The following CDH12 variants were observed in gnomAD, a reference collection of about 807,000 sequenced individuals.
The protein encoded by CDH12 is cadherin 12.
CDH12 carries 41 observed loss-of-function variants against 74.1 expected under a neutral mutation model. That is an observed-to-expected ratio of 0.55 (90% CI 0.43 to 0.72). The LOEUF (loss-of-function observed/expected upper bound fraction) is 0.72. CDH12 is among the 30% of genes least tolerant of loss of function. The pLI, the probability that CDH12 is intolerant of heterozygous loss-of-function variation, is 0.00. For missense variants in CDH12, 945 were observed against 977.2 expected, an observed-to-expected ratio of 0.97 and a Z score of 0.44; for synonymous variants, 399 against 355.0, an observed-to-expected ratio of 1.12 and a Z score of -1.39.
At chr5:22,525,604 CAT>C (rs1297231876) in intron 1 of CDH12, among the ~76,000 whole-genome samples, 1 of 152,122 alleles carries the variant, frequency 6.6e-6, no homozygotes, top group African/African-American at 2.4e-5. Flanking sequence ...TTTTACAACA[CAT>C]GTCAATAACT....
rs145040315 is a variant in CDH12, at chr5:22,080,109, C to A, written c.-186-1247G>T. ...TCGAGCCTATAAGGTTTCTAAAGGC[C>A]GAAAACGTTGGAAGCCAGAAAATAT... is the stretch of plus-strand genomic sequence containing the variant. On this transcript the variant is annotated intron_variant, in intron 4 of 14. Coordinates refer to ENST00000382254, the MANE Select transcript of CDH12 (RefSeq NM_004061.5). 2.5e-3 allele frequency among the ~76,000 whole-genome samples: 386 copies of A among 152,060 alleles called. 5 individuals are homozygous for A. The highest frequency in any genetic ancestry group is 8.6e-3 in the African/African-American group (357 of 41,478).
chr5:21,940,972 T>A (rs1256493766), intron 6 of CDH12, among the ~76,000 whole-genome samples: 2 of 152,200 alleles, frequency 1.3e-5, no homozygotes, highest in African/African-American at 4.8e-5. Flanking sequence ...AAACCATCTT[T>A]AAATCTATGT....
intron 2 of CDH12, among the ~76,000 whole-genome samples, chr5:22,498,111 C>A (rs1444747738): frequency 2.6e-5 from 4 of 152,062 alleles, no homozygotes; most frequent in African/African-American, 9.7e-5. Context: ...CATATCTATT[C>A]CAAGTCATTT....
At chr5:22,172,477 T>C (rs1340723117) in intron 4 of CDH12, 2 of 151,894 alleles carry the variant, frequency 1.3e-5, no homozygotes, top group Non-Finnish European at 2.9e-5. Flanking sequence ...AGTTCCCTTG[T>C]ATCTCATTGG....
intron 1 of CDH12, among the ~76,000 whole-genome samples, chr5:22,644,634 G>T (rs1212653198): frequency 6.6e-6 from 1 of 151,950 alleles, no homozygotes; most frequent in African/African-American, 2.4e-5. Context: ...TATAGAAGCT[G>T]CAGTATGTTA....
In CDH12 at chr5:22,221,599, C is replaced by T. The variant is rs533564166; in HGVS notation, c.-332-8956G>A. On this transcript the variant is annotated intron_variant, in intron 3 of 14. Transcript: ENST00000382254. ...ATGAACTTGGGCTGCTTTCATGCTCCCGCTAGTAATATAAAATGTTGATAT... is the reference window on the plus strand; with the variant it reads ...ATGAACTTGGGCTGCTTTCATGCTCTCGCTAGTAATATAAAATGTTGATAT... 2.0e-5 allele frequency among the ~76,000 whole-genome samples: 3 copies of T among 151,830 alleles called. No homozygotes were observed. The South Asian group carries it at 6.2e-4, about 31-fold the overall frequency.
intron 6 of CDH12, chr5:21,883,058 A>G (rs1752441039): frequency 6.2e-7 from 1 of 1,610,574 alleles, no homozygotes; most frequent in South Asian, 1.1e-5. Flanking sequence ...CTGAACTTAA[A>G]AAGCAGTCTA....
Position 22,078,197 on chromosome 5 carries a change from C to A in CDH12, c.231+249G>T, listed in dbSNP as rs532325215. Among the ~76,000 whole-genome samples, 3 of 151,992 alleles carry A rather than the reference C, an allele frequency of 2.0e-5. No individual in the cohort carries two copies. The East Asian group carries it at 5.8e-4, about 29-fold the overall frequency. ...ACTTCATGTCTTCAGCAAAGAATGTCAAAAATTGAACGAAATATATACTAT... is the reference window on the plus strand; with the variant it reads ...ACTTCATGTCTTCAGCAAAGAATGTAAAAAATTGAACGAAATATATACTAT... On this transcript the variant is annotated intron_variant, in intron 5 of 14. Coordinates refer to ENST00000382254, the MANE Select transcript of CDH12 (RefSeq NM_004061.5).
At chr5:22,324,452 C>A (rs1260817422) in intron 3 of CDH12, among the ~76,000 whole-genome samples, 1 of 151,820 alleles carries the variant, frequency 6.6e-6, no homozygotes, top group Non-Finnish European at 1.5e-5. Flanking sequence ...AGTTAGATTG[C>A]AACATATAGA....
At chr5:21,820,935 G>T (rs762883988) in intron 8 of CDH12, among the ~76,000 whole-genome samples, 8 of 151,894 alleles carry the variant, frequency 5.3e-5, no homozygotes, top group Non-Finnish European at 8.8e-5. Flanking sequence ...ACAAGAGATT[G>T]TCCACAGTCA....
chr5:21,876,666 C>T (rs1751954609), intron 6 of CDH12, among the ~76,000 whole-genome samples: 1 of 152,172 alleles, frequency 6.6e-6, no homozygotes, highest in Admixed American at 6.5e-5. Flanking sequence ...CCAAATGTTG[C>T]TTGTCTTAAC....
chr5:22,609,719 T>C (rs1737298524), intron 1 of CDH12, among the ~76,000 whole-genome samples: 2 of 152,194 alleles, frequency 1.3e-5, no homozygotes, highest in African/African-American at 2.4e-5. Flanking sequence ...AAAAAACGTA[T>C]AGCTAATTAC....
At chr5:22,675,504 AGG>A (rs1402409267) in intron 1 of CDH12, among the ~76,000 whole-genome samples, 4 of 152,200 alleles carry the variant, frequency 2.6e-5, no homozygotes, top group Non-Finnish European at 4.4e-5. Context: ...CATAGACAGA[AGG>A]GACTTGCCTT....
chr5:22,186,875 A>G (rs1372149604), intron 4 of CDH12, among the ~76,000 whole-genome samples: 1 of 152,224 alleles, frequency 6.6e-6, no homozygotes, highest in African/African-American at 2.4e-5. Context: ...GGAGTAAAAT[A>G]GCAAAACATG....
chr5:22,425,062 TTATATA>T lies in CDH12; in HGVS notation c.-427-19717_-427-19712del, dbSNP rs536783287. On this transcript the variant is annotated intron_variant, in intron 2 of 14. Transcript: ENST00000382254. ...GATAGAGGCTAGAGAATTTTTACAT[TTATATA>T]TATATATATAGAGAGAGAGAGAGAG... Among the ~76,000 whole-genome samples, 8 of 133,982 alleles carry T rather than the reference TTATATA, an allele frequency of 6.0e-5. No homozygotes were observed. The East Asian group carries it at 1.7e-3, about 29-fold the overall frequency. The allele number at this position is 133,982 out of a possible 152,430, so 87.9% of individuals were successfully genotyped here.
At chr5:21,768,033 C>T (rs903923765) in intron 11 of CDH12, among the ~76,000 whole-genome samples, 2 of 151,716 alleles carry the variant, frequency 1.3e-5, no homozygotes, top group Non-Finnish European at 3.0e-5. Context: ...CTTGATTCAG[C>T]ATGAGTATTA....
intron 7 of CDH12, 23 bp downstream of exon 7, chr5:21,854,648 G>T (rs1471331294): frequency 1.3e-6 from 2 of 1,564,578 alleles, no homozygotes; most frequent in African/African-American, 2.7e-5. Flanking sequence ...TGGTGATAAT[G>T]TTGCCTCTAA....
chr5:22,134,797 T>C (rs1413224711), intron 4 of CDH12, among the ~76,000 whole-genome samples: 1 of 147,588 alleles, frequency 6.8e-6, no homozygotes, highest in Non-Finnish European at 1.5e-5. Context: ...ATAATCCCTG[T>C]CACTTTCCCT....
At chr5:22,340,543 C>A (rs1465256026) in intron 3 of CDH12, among the ~76,000 whole-genome samples, 3 of 144,254 alleles carry the variant, frequency 2.1e-5, no homozygotes, top group African/African-American at 7.8e-5. Context: ...AAAAAAAAAT[C>A]TGTTTTTCAA....
Sources: allele counts gnomAD v4.1 joint callset (sites outside exome capture counted in the v4.1 genomes callset), GRCh38; gene constraint gnomAD v4.1.1; transcripts MANE v1.5; gene names NCBI Gene and HGNC (gene_info 2026-07-23, HGNC 2026-07-21).